Variants in DDX60 observed in about 807,000 individuals in gnomAD.
The protein encoded by DDX60 is probable ATP-dependent RNA helicase DDX60.
Under a neutral mutation model 212.8 loss-of-function variants are expected in DDX60, and 165 were observed. The observed-to-expected ratio is 0.78, with a 90% CI of 0.68 to 0.88. DDX60 has a LOEUF of 0.88. Among genes scored for constraint, DDX60 ranks in the 40% least tolerant of loss-of-function variants. DDX60 has a pLI of 0.00. For synonymous variants in DDX60, 703 were observed against 685.3 expected, an observed-to-expected ratio of 1.03 and a Z score of -0.40; for missense variants, 1,905 against 2,003.9, an observed-to-expected ratio of 0.95 and a Z score of 0.94.
chr4:168,274,456 A>G lies in DDX60; in HGVS notation c.2305-373T>C, dbSNP rs181958470. ...AACATCAAACATTCTTAATTTTACT[A>G]CTGATATTCTACTTTCTACATAGAA... On this transcript the variant is annotated intron_variant, in intron 16 of 37. Transcript: ENST00000393743. 5.3e-5 allele frequency among the ~76,000 whole-genome samples: 8 copies of G among 152,306 alleles called. 1 individual carries two copies. In the East Asian group the frequency reaches 1.5e-3, roughly 29 times the overall value.
intron 30 of DDX60, among the ~76,000 whole-genome samples, chr4:168,239,303 G>A (rs959222155): frequency 1.3e-5 from 2 of 152,032 alleles, no homozygotes; most frequent in South Asian, 4.2e-4. Flanking sequence ...TAGATGGATA[G>A]AAAGATAAAT....
chr4:168,278,436 A>G (rs184457825), intron 14 of DDX60, among the ~76,000 whole-genome samples: 1 of 152,360 alleles, frequency 6.6e-6, no homozygotes, highest in African/African-American at 2.4e-5. Context: ...GACTTCAACA[A>G]GGCATCCTCT....
At chr4:168,314,615 T>C (rs1737284862) in intron 1 of DDX60, among the ~76,000 whole-genome samples, 1 of 152,188 alleles carries the variant, frequency 6.6e-6, no homozygotes, top group Admixed American at 6.5e-5. Context: ...GAATTTTTAG[T>C]CAGTGATCTG....
chr4:168,283,394 T>C lies in DDX60; in HGVS notation c.1722+52A>G. 3 of 1,545,592 alleles carry C rather than the reference T, an allele frequency of 1.9e-6. No individual in the cohort carries two copies. In the South Asian group the frequency reaches 3.5e-5, roughly 18 times the overall value. On this transcript the variant is annotated intron_variant, in intron 13 of 37. Coordinates refer to ENST00000393743, the MANE Select transcript of DDX60 (RefSeq NM_017631.6). ...ACCAAAGGGATAACACATATCAACC[T>C]GATAAAAGAAAAGGAAAATTTTTTT...
chr4:168,262,552 A>T, intron 23 of DDX60, 131 bp downstream of exon 23: 1 of 626,094 alleles, frequency 1.6e-6, no homozygotes, highest in Non-Finnish European at 2.8e-6. Context: ...GAAATATGAG[A>T]AGAGGCACTC....
chr4:168,227,705 A>G (rs1733305933), intron 33 of DDX60, among the ~76,000 whole-genome samples: 1 of 152,072 alleles, frequency 6.6e-6, no homozygotes, highest in Non-Finnish European at 1.5e-5. Context: ...TTAAGGCTGC[A>G]AATTCCTCTG....
In DDX60 at chr4:168,284,850, C is replaced by T. The variant is rs1256162070; in HGVS notation, c.1531G>A (p.Asp511Asn). The T allele has an allele frequency of 3.2e-6, 5 of 1,581,260 alleles. No homozygotes were observed. In the East Asian group the frequency reaches 1.1e-4, roughly 36 times the overall value. ...HWHSHKPLSD[D>N]YDRSRCQFDE... is the part of the protein sequence containing the mutation. ...AACTGACACCTGGACCTGTCATAATCATCACTCAGGGGTTTATGAGAATGC... is the reference window on the plus strand; with the variant it reads ...AACTGACACCTGGACCTGTCATAATTATCACTCAGGGGTTTATGAGAATGC... The change falls in exon 12 of 38, where the codon GAT (aspartate) becomes AAT (asparagine). Residue 511 changes from aspartate to asparagine, a missense_variant. Asp to Asn is a conservative substitution (Grantham distance 23). Transcript: ENST00000393743.
Position 168,217,231 on chromosome 4 carries a change from C to A in DDX60, c.5040-199G>T, listed in dbSNP as rs142595544. 1.1e-3 allele frequency among the ~76,000 whole-genome samples: 166 copies of A among 152,256 alleles called. 2 individuals are homozygous for A. The highest frequency in any genetic ancestry group is 9.0e-3 in the Admixed American group (138 of 15,290). ...AATTTAAGAAAAGATAACAAAACAA[C>A]CCCATGCAATTCTTCTCCATGACTA... On this transcript the variant is annotated intron_variant, in intron 37 of 37. Transcript: ENST00000393743.
chr4:168,253,103 T>A (rs1579002567), intron 26 of DDX60, among the ~76,000 whole-genome samples: 1 of 152,178 alleles, frequency 6.6e-6, no homozygotes, highest in Non-Finnish European at 1.5e-5. Flanking sequence ...GTGCCCGGCC[T>A]GCTGTGCATC....
At chr4:168,250,238 C>G (rs1734167663) in intron 28 of DDX60, among the ~76,000 whole-genome samples, 1 of 151,974 alleles carries the variant, frequency 6.6e-6, no homozygotes, top group Non-Finnish European at 1.5e-5. Flanking sequence ...TATTTTTATT[C>G]TCATGAAAAA....
intron 14 of DDX60, among the ~76,000 whole-genome samples, chr4:168,279,164 T>C (rs1735480063): frequency 6.6e-6 from 1 of 152,164 alleles, no homozygotes; most frequent in Non-Finnish European, 1.5e-5. Context: ...AAGCAAAAAT[T>C]ATCTTCTTGT....
In DDX60 at chr4:168,311,301, T is replaced by A. The variant is rs1737124782; in HGVS notation, c.-42A>T. 1.9e-6 allele frequency: 3 copies of A among 1,610,904 alleles called. No homozygotes were observed. ...GCCTCCAACCTGAACTGGCAAGTAT[T>A]AAAGGTAGCAAATACCCTTTATTTT... On this transcript the variant is annotated 5_prime_UTR_variant, in exon 2 of 38. Transcript: ENST00000393743.
intron 36 of DDX60, 68 bp from the exon 37 acceptor site, chr4:168,220,785 A>G (rs1733024838): frequency 2.3e-6 from 2 of 873,196 alleles, no homozygotes. Flanking sequence ...TTATATTTAA[A>G]TGCTGAATTT....
intron 30 of DDX60, among the ~76,000 whole-genome samples, chr4:168,243,339 G>A (rs1733915753): frequency 6.6e-6 from 1 of 152,042 alleles, no homozygotes; most frequent in Non-Finnish European, 1.5e-5. Flanking sequence ...ACAACCTACA[G>A]AATGGGAGAA....
At chr4:168,288,110 T>C in intron 9 of DDX60, 64 bp downstream of exon 9, 5 of 1,119,642 alleles carry the variant, frequency 4.5e-6, no homozygotes, top group Non-Finnish European at 6.1e-6. Context: ...TATTTTGTAG[T>C]TTTAAATTCC....
At chr4:168,268,134 AC>A (rs1734932141) in intron 20 of DDX60, 151 bp from the exon 21 acceptor site, 1 of 572,264 alleles carries the variant, frequency 1.7e-6, no homozygotes, top group African/African-American at 1.9e-5. Context: ...TTAAATCCCA[AC>A]CTTCTTAGTA....
intron 4 of DDX60, among the ~76,000 whole-genome samples, chr4:168,307,355 G>C (rs756260759): frequency 4.6e-5 from 7 of 152,126 alleles, no homozygotes; most frequent in Admixed American, 2.0e-4. Context: ...ATTTGAAATT[G>C]TTAAAAATTA....
chr4:168,237,160 T>C (rs1453907531), intron 32 of DDX60, 126 bp downstream of exon 32: 1 of 614,532 alleles, frequency 1.6e-6, no homozygotes, highest in African/African-American at 1.9e-5. Flanking sequence ...ATTGAAGATC[T>C]ATAAATTATC....
chr4:168,310,765 G>A (rs1187600736), intron 3 of DDX60, among the ~76,000 whole-genome samples: 2 of 152,056 alleles, frequency 1.3e-5, no homozygotes, highest in Non-Finnish European at 2.9e-5. Flanking sequence ...CTCAATCCTT[G>A]TTACAAAGTT....
Sources: allele counts gnomAD v4.1 joint callset (sites outside exome capture counted in the v4.1 genomes callset), GRCh38; gene constraint gnomAD v4.1.1; transcripts MANE v1.5; gene names NCBI Gene and HGNC (gene_info 2026-07-23, HGNC 2026-07-21).